Variants in WNK1 observed in about 807,000 individuals in gnomAD.
WNK1 encodes the protein serine/threonine-protein kinase WNK1.
WNK1 carries 38 observed loss-of-function variants against 222.8 expected under a neutral mutation model. The observed-to-expected ratio is 0.17, with a 90% CI of 0.13 to 0.22. The LOEUF (loss-of-function observed/expected upper bound fraction) is 0.22. Ranked by LOEUF, WNK1 falls within the 10% of genes least tolerant of loss-of-function variation. The pLI is 1.00. For missense variants in WNK1, 2,348 were observed against 2,918.4 expected, an observed-to-expected ratio of 0.80 and a Z score of 4.50; for synonymous variants, 1,090 against 1,092.9, an observed-to-expected ratio of 1.00 and a Z score of 0.05.
Position 908,861 on chromosome 12 carries a change from G to GGGGGGGGGGGGGGGGGGGGGGGGGGGGCA in WNK1, c.*69_*70insGGGGGGGGGGGGGGGGGGGGGGGGGGGCA. On this transcript the variant is annotated 3_prime_UTR_variant, in exon 28 of 28. Coordinates refer to ENST00000315939, the MANE Select transcript of WNK1 (RefSeq NM_018979.4). ...ATGCTGAGGGGGTGGGTGGGGGTGG[G>GGGGGGGGGGGGGGGGGGGGGGGGGGGGCA]AAGTAGCCTATATACTAACTACTAG... 1 of 491,846 alleles carries GGGGGGGGGGGGGGGGGGGGGGGGGGGGCA rather than the reference G, an allele frequency of 2.0e-6. No individual in the cohort carries two copies. The highest frequency in any genetic ancestry group is 4.1e-6 in the Non-Finnish European group (1 of 241,770). 30.5% of individuals were successfully genotyped at this position (491,846 alleles called of 1,614,324 possible).
At chr12:787,748 C>A in intron 1 of WNK1, among the ~76,000 whole-genome samples, 1 of 151,988 alleles carries the variant, frequency 6.6e-6, no homozygotes, top group Non-Finnish European at 1.5e-5. Flanking sequence ...CTGTGCATTT[C>A]CACTCTTTGA....
Position 753,484 on chromosome 12 carries a change from A to G in WNK1, c.-82A>G. 1 of 1,587,560 alleles carries G rather than the reference A, an allele frequency of 6.3e-7. No homozygotes were observed. The highest frequency in any genetic ancestry group is 1.1e-5 in the South Asian group (1 of 88,554). On this transcript the variant is annotated 5_prime_UTR_variant, in exon 1 of 28. Transcript: ENST00000315939. The surrounding 1 kb of genome is among the most constrained non-coding windows in gnomAD (Gnocchi z 5.2). ...CCCGCCCGGCCGCGGTTCCCTGCAG[A>G]CCTCTGCGCGGGCGGCTCGGCCCTT...
At chr12:755,639 C>G (rs1023772943) in intron 1 of WNK1, among the ~76,000 whole-genome samples, 1 of 151,364 alleles carries the variant, frequency 6.6e-6, no homozygotes, top group Non-Finnish European at 1.5e-5. Flanking sequence ...AAAAAAAAAA[C>G]CTCGTCAAAC....
intron 26 of WNK1, chr12:904,418 A>G: frequency 1.6e-6 from 2 of 1,287,344 alleles, no homozygotes; most frequent in Non-Finnish European, 2.0e-6. Context: ...ATGTTTCTTT[A>G]TCTTTAACAC....
intron 26 of WNK1, among the ~76,000 whole-genome samples, chr12:904,746 G>A (rs1955556477): frequency 6.6e-6 from 1 of 152,172 alleles, no homozygotes; most frequent in African/African-American, 2.4e-5. Flanking sequence ...GGGAGGTCAG[G>A]GATGCCTAGT....
intron 8 of WNK1, chr12:868,730 G>T (rs772772522): frequency 1.2e-6 from 2 of 1,613,886 alleles, no homozygotes; most frequent in Non-Finnish European, 1.7e-6. Context: ...CTTGAATCAA[G>T]AAGAACTGCC....
At chr12:866,140 TAGG>T (rs1441586383) in intron 8 of WNK1, among the ~76,000 whole-genome samples, 1 of 152,170 alleles carries the variant, frequency 6.6e-6, no homozygotes, top group African/African-American at 2.4e-5. Flanking sequence ...GATTTTTACT[TAGG>T]AGAATGAAGA....
chr12:908,573 T>C lies in WNK1; in HGVS notation c.6930T>C (p.Ala2310=), dbSNP rs1555164326. The change falls in exon 28 of 28, where the codon GCT becomes GCC. Residue 2310 remains alanine, a synonymous_variant. Transcript: ENST00000315939. ...CTGCCCCCATCTCTGCAGCATCAGC[T>C]ACCTCTCTAGGTCACTTCACCAAGT... is the stretch of plus-strand genomic sequence containing the variant. ...GGSAPISAAS[A]TSLGHFTKSM... The C allele has an allele frequency of 1.9e-6, 3 of 1,614,128 alleles. No homozygotes were observed. Among genetic ancestry groups the C allele is most frequent in the Non-Finnish European group, 2.5e-6 (3 of 1,180,030 alleles).
Position 774,688 on chromosome 12 carries a change from T to C in WNK1, c.759+20364T>C, listed in dbSNP as rs143409673. Reference sequence around the variant, plus strand: ...AAGATTGTTTTCCAGAAGAGTTATATAGATTTTCAGTGTCCCAAGTGAGAG... The same window carrying C: ...AAGATTGTTTTCCAGAAGAGTTATACAGATTTTCAGTGTCCCAAGTGAGAG... On this transcript the variant is annotated intron_variant, in intron 1 of 27. Transcript: ENST00000315939. 4.4e-3 allele frequency among the ~76,000 whole-genome samples: 670 copies of C among 152,332 alleles called. 2 individuals carry two copies. The highest frequency in any genetic ancestry group is 7.1e-3 in the Admixed American group (109 of 15,298).
chr12:910,098 TGACC>T lies in WNK1; in HGVS notation c.*1307_*1310del, dbSNP rs1201370324. 6.7e-6 allele frequency: 1 copy of T among 150,252 alleles called. No homozygotes were observed. Among genetic ancestry groups the T allele is most frequent in the Non-Finnish European group, 1.5e-5 (1 of 67,710 alleles). The allele number at this position is 150,252 out of a possible 1,614,324, so 9.3% of individuals were successfully genotyped here. On this transcript the variant is annotated 3_prime_UTR_variant, in exon 28 of 28. Transcript: ENST00000315939. ...TATTTGAGCTAGGCTTGAACAGACGTGACCTAGAAGAAACTGAACATAAAGAGAA... is the reference window on the plus strand; with the variant it reads ...TATTTGAGCTAGGCTTGAACAGACGTTAGAAGAAACTGAACATAAAGAGAA...
intron 26 of WNK1, chr12:901,676 C>G: frequency 8.2e-7 from 1 of 1,224,462 alleles, no homozygotes; most frequent in African/African-American, 1.5e-5. Context: ...TTTACTCCTT[C>G]CTTGTCCTTG....
chr12:812,563 A>C (rs540512543), intron 1 of WNK1, among the ~76,000 whole-genome samples: 1 of 152,246 alleles, frequency 6.6e-6, no homozygotes, highest in Admixed American at 6.5e-5. Flanking sequence ...GCTATTGGGC[A>C]GAGTAGAAAC....
In WNK1 at chr12:907,825, C is replaced by T. The variant is rs146046758; in HGVS notation, c.6644-22C>T. The T allele has an allele frequency of 1.1e-4, 180 of 1,612,564 alleles. 1 individual carries two copies. In the African/African-American group the frequency reaches 1.6e-3, roughly 15 times the overall value. On this transcript the variant is annotated intron_variant, in intron 26 of 27. Transcript: ENST00000315939. ...TGTAACCTAGGCTTCTTTTAATGCT[C>T]GTATTCTGTTGCTTATAATAGGAAC...
chr12:788,316 G>A (rs1944507920), intron 1 of WNK1, among the ~76,000 whole-genome samples: 1 of 151,242 alleles, frequency 6.6e-6, no homozygotes, highest in Non-Finnish European at 1.5e-5. Context: ...TCAGCTTCTT[G>A]AAATTAAAAA....
In WNK1 at chr12:827,609, A is replaced by C. The variant is rs1591887015; in HGVS notation, c.1153+347A>C. 2 of 269,382 alleles carry C rather than the reference A, an allele frequency of 7.4e-6. No individual in the cohort carries two copies. The highest frequency in any genetic ancestry group is 7.2e-5 in the South Asian group (1 of 13,906). The allele number at this position is 269,382 out of a possible 1,614,324, so 16.7% of individuals were successfully genotyped here. On this transcript the variant is annotated intron_variant, in intron 3 of 27. Coordinates refer to ENST00000315939, the MANE Select transcript of WNK1 (RefSeq NM_018979.4). This position sits in a 1 kb window ranked among gnomAD's most constrained non-coding sequence, Gnocchi z 4.6. ...AGTGGCACAATCTCAGCTCACTGCA[A>C]CCTCCACCCACCGGGTTCAAGCGAT...
chr12:784,555 T>C (rs1295794235), intron 1 of WNK1, among the ~76,000 whole-genome samples: 1 of 152,236 alleles, frequency 6.6e-6, no homozygotes, highest in Non-Finnish European at 1.5e-5. Context: ...CATAATAAAA[T>C]GTACATATTT....
chr12:904,415 T>G, intron 26 of WNK1: 1 of 1,286,828 alleles, frequency 7.8e-7, no homozygotes, highest in Non-Finnish European at 1.0e-6. Flanking sequence ...CTGATGTTTC[T>G]TTATCTTTAA....
intron 4 of WNK1, among the ~76,000 whole-genome samples, chr12:835,211 T>C (rs1357846911): frequency 6.6e-6 from 1 of 152,114 alleles, no homozygotes; most frequent in Non-Finnish European, 1.5e-5. Context: ...TGGTGATGCA[T>C]GCCTGTAGTC....
At chr12:858,140 C>G (rs1269416097) in intron 5 of WNK1, among the ~76,000 whole-genome samples, 1 of 150,396 alleles carries the variant, frequency 6.6e-6, no homozygotes, top group Non-Finnish European at 1.5e-5. Flanking sequence ...ATGCTGGGTA[C>G]TTAAATCTCT....
Sources: gnomAD v4.1 joint callset for allele counts (sites outside exome capture counted in the v4.1 genomes callset) on GRCh38, gnomAD v4.1.1 for gene constraint, Gnocchi (gnomAD v3.1) non-coding constraint, MANE v1.5 for transcripts, NCBI Gene and HGNC (gene_info 2026-07-23, HGNC 2026-07-21) for gene names.